Variants in TBC1D30 observed in about 807,000 individuals in gnomAD.
TBC1D30 encodes TBC1 domain family member 30.
A neutral mutation model predicts 63.2 loss-of-function variants in TBC1D30; 31 were observed. The ratio of observed to expected loss-of-function variants is 0.49; its 90% CI spans 0.37 to 0.66. The LOEUF (loss-of-function observed/expected upper bound fraction) is 0.66, where lower values mean the gene tolerates loss of function less well. TBC1D30 is among the 30% of genes least tolerant of loss of function. The pLI, the probability that TBC1D30 is intolerant of heterozygous loss-of-function variation, is 0.00. For synonymous variants in TBC1D30, 307 were observed against 361.5 expected (o/e 0.85, Z 1.71); for missense variants, 810 against 953.6 (o/e 0.85, Z 1.98).
At chr12:64,849,921 C>A (rs1251066248) in intron 8 of TBC1D30, among the ~76,000 whole-genome samples, 1 of 152,054 alleles carries the variant, frequency 6.6e-6, no homozygotes, top group Non-Finnish European at 1.5e-5. Flanking sequence ...AATGTTTTTC[C>A]ATTTGTTTGT....
chr12:64,780,755 G>A (rs901220131), exon 1 of TBC1D30: 2 of 987,960 alleles, frequency 2.0e-6, no homozygotes, highest in South Asian at 4.5e-5. Flanking sequence ...GGAACTGGCC[G>A]GCGCCGCGAG....
intron 3 of TBC1D30, among the ~76,000 whole-genome samples, chr12:64,829,580 A>G (rs1874660402): frequency 6.6e-6 from 1 of 152,160 alleles, no homozygotes; most frequent in Admixed American, 6.5e-5. Flanking sequence ...CCTATTAGAT[A>G]TCTAATTTGA....
At chr12:64,862,192 C>T (rs1221517206) in intron 8 of TBC1D30, among the ~76,000 whole-genome samples, 3 of 152,096 alleles carry the variant, frequency 2.0e-5, no homozygotes, top group Non-Finnish European at 2.9e-5. Context: ...TGTAAATCTC[C>T]GACTTACCAA....
intron 4 of TBC1D30, among the ~76,000 whole-genome samples, chr12:64,831,814 A>C (rs1329151259): frequency 6.6e-6 from 1 of 152,206 alleles, no homozygotes; most frequent in Non-Finnish European, 1.5e-5. Flanking sequence ...ATCAATTTAC[A>C]TGAAATTATA....
intron 8 of TBC1D30, among the ~76,000 whole-genome samples, chr12:64,844,402 G>A (rs1392874708): frequency 2.0e-5 from 3 of 152,084 alleles, no homozygotes; most frequent in Non-Finnish European, 2.9e-5. Context: ...TTGTGGGCAC[G>A]TAGTAGGTGC....
upstream of TBC1D30, among the ~76,000 whole-genome samples, chr12:64,779,760 C>T (rs1036060813): frequency 1.3e-5 from 2 of 152,158 alleles, no homozygotes; most frequent in African/African-American, 2.4e-5. Context: ...TGAATGGACA[C>T]GTTATTTAGC....
At chr12:64,825,279 G>A (rs1874217067) in intron 1 of TBC1D30, 1 of 460,646 alleles carries the variant, frequency 2.2e-6, no homozygotes, top group Non-Finnish European at 3.7e-6. Context: ...CCCTCTCCCC[G>A]CGGACCCCCA....
intron 11 of TBC1D30, among the ~76,000 whole-genome samples, chr12:64,874,254 A>AT (rs1309097493): frequency 1.2e-4 from 19 of 152,068 alleles, no homozygotes; most frequent in African/African-American, 4.6e-4. Flanking sequence ...CACCTGGCTA[A>AT]TTTTTGTATT....
Position 64,878,727 on chromosome 12 carries a change from C to T in TBC1D30, c.*2939C>T, listed in dbSNP as rs774138898. 3.2e-4 allele frequency: 113 copies of T among 356,120 alleles called. 2 individuals carry two copies. The highest frequency in any genetic ancestry group is 2.1e-3 in the Admixed American group (57 of 27,672). The allele number at this position is 356,120 out of a possible 1,614,324, so 22.1% of individuals were successfully genotyped here. On this transcript the variant is annotated 3_prime_UTR_variant, in exon 12 of 12. Transcript: ENST00000539867. ...TTCCTTCACCCCCAACCCCAGACCCCCCTTGGTCACATGAACCAGGGAAAC... is the reference window on the plus strand; with the variant it reads ...TTCCTTCACCCCCAACCCCAGACCCTCCTTGGTCACATGAACCAGGGAAAC...
At chr12:64,804,898 A>C (rs956351757) in intron 2 of TBC1D30, among the ~76,000 whole-genome samples, 33 of 152,152 alleles carry the variant, frequency 2.2e-4, no homozygotes, top group Admixed American at 3.3e-4. Flanking sequence ...TTCTAAGTAG[A>C]ACCGTTAAAG....
chr12:64,767,484 A>C (rs939499514), intron 1 of TBC1D30, among the ~76,000 whole-genome samples: 1 of 152,134 alleles, frequency 6.6e-6, no homozygotes, highest in African/African-American at 2.4e-5. Context: ...GCAGCCACCG[A>C]TTTGGTGAAT....
intron 8 of TBC1D30, among the ~76,000 whole-genome samples, chr12:64,858,688 G>T (rs1239405273): frequency 6.6e-6 from 1 of 152,146 alleles, no homozygotes; most frequent in East Asian, 1.9e-4. Flanking sequence ...ACTAACCACG[G>T]TAAATAAAAT....
intron 2 of TBC1D30, among the ~76,000 whole-genome samples, chr12:64,786,326 TTTTA>T (rs60904499): frequency 0.015 from 2,319 of 149,752 alleles, 71 homozygotes; most frequent in African/African-American, 0.055. Context: ...TACAATTTTA[TTTTA>T]TTTATTTATT....
upstream of TBC1D30, among the ~76,000 whole-genome samples, chr12:64,775,537 C>T (rs139878771): frequency 7.6e-3 from 1,158 of 152,164 alleles, 16 homozygotes; most frequent in African/African-American, 0.026. Flanking sequence ...ACAAAGGGGG[C>T]ATTATATAAT....
intron 8 of TBC1D30, among the ~76,000 whole-genome samples, chr12:64,860,017 CT>C (rs534789255): frequency 7.1e-3 from 985 of 137,928 alleles, no homozygotes; most frequent in East Asian, 0.011. Context: ...GATTCTTCTT[CT>C]TTTTTTTTTT....
Position 64,875,857 on chromosome 12 carries a change from C to G in TBC1D30, c.*69C>G. 7.1e-7 allele frequency: 1 copy of G among 1,399,472 alleles called. No individual in the cohort carries two copies. The highest frequency in any genetic ancestry group is 1.5e-5 in the South Asian group (1 of 66,684). 86.7% of individuals were successfully genotyped at this position (1,399,472 alleles called of 1,614,324 possible). A position where few individuals can be genotyped will look rare whatever the true frequency, so the allele number is the denominator to read the frequency against. ...GTATAAGGGTTGCAGCTGAATGGCTCTAAAAGAGTTTTATTTGTCCAGTGA... is the reference window on the plus strand; with the variant it reads ...GTATAAGGGTTGCAGCTGAATGGCTGTAAAAGAGTTTTATTTGTCCAGTGA... On this transcript the variant is annotated 3_prime_UTR_variant, in exon 12 of 12. Transcript: ENST00000539867.
At chr12:64,857,446 T>C (rs1877405549) in intron 8 of TBC1D30, among the ~76,000 whole-genome samples, 1 of 152,212 alleles carries the variant, frequency 6.6e-6, no homozygotes, top group Non-Finnish European at 1.5e-5. Context: ...CTGTTGTGGC[T>C]GAGCTGCTAT....
At chr12:64,838,576 C>A in intron 6 of TBC1D30, 107 bp from the exon 7 acceptor site, 1 of 1,106,452 alleles carries the variant, frequency 9.0e-7, no homozygotes, top group Non-Finnish European at 1.2e-6. Flanking sequence ...AGAAATCAGT[C>A]AGGAAATACA....
chr12:64,795,440 G>A (rs930572358), intron 2 of TBC1D30, among the ~76,000 whole-genome samples: 1 of 152,090 alleles, frequency 6.6e-6, no homozygotes, highest in Non-Finnish European at 1.5e-5. Flanking sequence ...ACTTTTGCAG[G>A]GGTGGGAAAG....
Sources: gnomAD v4.1 joint callset for allele counts (sites outside exome capture counted in the v4.1 genomes callset) on GRCh38, gnomAD v4.1.1 for gene constraint, MANE v1.5 for transcripts, NCBI Gene and HGNC (gene_info 2026-07-23, HGNC 2026-07-21) for gene names.